OVGP1: variants seen among roughly 807,000 people sequenced by gnomAD.
OVGP1 encodes the protein oviduct-specific glycoprotein.
In OVGP1, 26 loss-of-function variants were observed where a neutral mutation model predicts 48.2. The ratio of observed to expected loss-of-function variants is 0.54; its 90% confidence interval spans 0.40 to 0.75. The LOEUF (loss-of-function observed/expected upper bound fraction) is 0.75, where lower values mean the gene tolerates loss of function less well. Among genes scored for constraint, OVGP1 ranks in the 30% least tolerant of loss-of-function variants. The probability of loss-of-function intolerance (pLI) is 0.00; values close to 1 mark genes in which losing one functional copy is unlikely to be tolerated. For missense variants in OVGP1, 791 were observed against 820.6 expected (o/e 0.96, Z 0.44); for synonymous variants, 294 against 305.7 (o/e 0.96, Z 0.40).
chr1:111,424,673 C>A (rs760521713), intron 4 of OVGP1, among the ~76,000 whole-genome samples: 2 of 152,180 alleles, frequency 1.3e-5, no homozygotes, highest in Non-Finnish European at 2.9e-5. Flanking sequence ...CTGGGCTGGG[C>A]AGAGCTAGTT....
At chr1:111,421,702 A>G (rs1197205349) in intron 6 of OVGP1, 29 bp from the exon 7 acceptor site, 1 of 1,349,262 alleles carries the variant, frequency 7.4e-7, no homozygotes, top group East Asian at 2.3e-5. Flanking sequence ...AGAGATATAA[A>G]GACTGGGCTA....
At position 111,419,706 on chromosome 1, in the gene OVGP1, T is replaced by G; in HGVS notation, c.924A>C (p.Gly308=). The G allele has an allele frequency of 6.2e-7, 1 of 1,612,322 alleles. No homozygotes were observed. The highest frequency in any genetic ancestry group is 8.5e-7 in the Non-Finnish European group (1 of 1,178,804). The change falls in exon 9 of 11, where the codon GGA becomes GGC. Residue 308 remains glycine, a synonymous_variant. Coordinates refer to ENST00000369732, the MANE Select transcript of OVGP1 (RefSeq NM_002557.4). ...GGTAATCAATCCAGTGCTTCTTCGC[T>G]CCCCAGACAAAGGAACAAATCTGCC... is the stretch of plus-strand genomic sequence containing the variant. ...AYFEICSFVW[G]AKKHWIDYQY...
At chr1:111,421,181 G>C in intron 8 of OVGP1, 95 bp downstream of exon 8, 1 of 1,157,312 alleles carries the variant, frequency 8.6e-7, no homozygotes, top group Non-Finnish European at 1.2e-6. Flanking sequence ...CCTGTCTACA[G>C]CTCTCACCCT....
chr1:111,420,280 G>A (rs1652234114), intron 8 of OVGP1, among the ~76,000 whole-genome samples: 1 of 152,192 alleles, frequency 6.6e-6, no homozygotes, highest in Non-Finnish European at 1.5e-5. Flanking sequence ...GTAGAGGTAC[G>A]CAAGCTGTGC....
At chr1:111,426,413 C>G (rs779260206) in intron 3 of OVGP1, 24 bp downstream of exon 3, 3 of 1,613,616 alleles carry the variant, frequency 1.9e-6, no homozygotes, top group Non-Finnish European at 2.5e-6. Context: ...GAAAATACAA[C>G]CCCCACATCC....
intron 9 of OVGP1, among the ~76,000 whole-genome samples, chr1:111,417,051 T>C (rs1048567181): frequency 6.6e-6 from 1 of 152,252 alleles, no homozygotes; most frequent in African/African-American, 2.4e-5. Flanking sequence ...GTAAATCTTA[T>C]GTTTTATGTT....
In OVGP1 at chr1:111,422,940, G is replaced by A. The variant is rs768831505; in HGVS notation, c.595C>T (p.Arg199Cys). 1.1e-5 allele frequency: 18 copies of A among 1,614,078 alleles called. No homozygotes were observed. The East Asian group carries it at 1.8e-4, about 16-fold the overall frequency. Residue 199 changes from arginine to cysteine, a missense_variant, in exon 6 of 11, where the codon CGC (arginine) becomes TGC (cysteine). Transcript: ENST00000369732. ...ATATCCACTCACCTTCCTAGAAAGC[G>A]CACATCATAGGATGTTTGGACGATG... ...PHIVQTSYDVRFLGRLLDFIN... is the reference protein window; with the variant it reads ...PHIVQTSYDVCFLGRLLDFIN...
Position 111,414,773 on chromosome 1 carries a change from G to C in OVGP1, c.1728C>G (p.Val576=). The C allele has an allele frequency of 6.2e-7, 1 of 1,607,780 alleles. No homozygotes were observed. The highest frequency in any genetic ancestry group is 8.5e-7 in the Non-Finnish European group (1 of 1,175,170). ...GGGTGACTGATATGTTTCTGGAGGG[G>C]ACAGTCACCTTTTCACGGGCCACAG... ...RKAVAREKVT[V]PSRNISVTPE... The change falls in exon 11 of 11, where the codon GTC becomes GTG. Residue 576 remains valine (V), a synonymous_variant. Transcript: ENST00000369732.
At chr1:111,420,547 C>T (rs570942437) in intron 8 of OVGP1, among the ~76,000 whole-genome samples, 4 of 152,292 alleles carry the variant, frequency 2.6e-5, no homozygotes, top group African/African-American at 7.2e-5. Flanking sequence ...AAGTCCTTCC[C>T]GTCTAGTCAT....
rs1291743660 is a variant in OVGP1, at chr1:111,422,907, C to T, written c.608+20G>A. On this transcript the variant is annotated intron_variant, in intron 6 of 10. Transcript: ENST00000369732. ...TGCTTCCCACCAATGTCCTGCCCCA[C>T]CAAAGCAATATCCACTCACCTTCCT... 2.5e-6 allele frequency: 4 copies of T among 1,613,604 alleles called. No homozygotes were observed. In the Admixed American group the frequency reaches 5.0e-5, roughly 20 times the overall value.
intron 3 of OVGP1, among the ~76,000 whole-genome samples, chr1:111,425,964 G>T (rs1652387871): frequency 6.6e-6 from 1 of 152,146 alleles, no homozygotes; most frequent in African/African-American, 2.4e-5. Context: ...AGAGGAAAAT[G>T]TAAGCAAACA....
intron 5 of OVGP1, 97 bp from the exon 6 acceptor site, chr1:111,423,148 C>G: frequency 6.7e-7 from 1 of 1,503,168 alleles, no homozygotes; most frequent in Non-Finnish European, 9.1e-7. Context: ...AGCTCCTGAG[C>G]CAGGCTCTGG....
At chr1:111,417,441 C>T (rs1172474353) in intron 9 of OVGP1, among the ~76,000 whole-genome samples, 1 of 152,238 alleles carries the variant, frequency 6.6e-6, no homozygotes, top group African/African-American at 2.4e-5. Flanking sequence ...AAGACAGAAT[C>T]TATCAGGTCC....
chr1:111,427,201 G>A, intron 1 of OVGP1, 110 bp from the exon 2 acceptor site: 1 of 1,568,570 alleles, frequency 6.4e-7, no homozygotes, highest in Non-Finnish European at 8.6e-7. Context: ...ACCACCTTAT[G>A]CAGATGCAGA....
In OVGP1 at chr1:111,423,646, A is replaced by C. The variant is rs1249780254; in HGVS notation, c.380T>G (p.Leu127Arg). 6.2e-7 allele frequency: 1 copy of C among 1,614,178 alleles called. No individual in the cohort carries two copies. Among genetic ancestry groups the C allele is most frequent in the Non-Finnish European group, 8.5e-7 (1 of 1,179,980 alleles). ...ACCATCAAAGTCATGTGTCCTCAGA[A>C]GGGATATAACTGAAGCAATAAACTT... ...REKFIASVIS[L>R]LRTHDFDGLD... The change falls in exon 5 of 11, where the codon CTT becomes CGT. Residue 127 changes from leucine (L) to arginine (R), a missense_variant. Transcript: ENST00000369732.
intron 3 of OVGP1, 122 bp downstream of exon 3, chr1:111,426,315 A>G (rs1652396175): frequency 1.4e-6 from 2 of 1,405,642 alleles, no homozygotes; most frequent in South Asian, 1.3e-5. Context: ...CTGGACCCCT[A>G]TTTGAGAGGA....
At chr1:111,427,136 A>G (rs764845258) in intron 1 of OVGP1, 45 bp from the exon 2 acceptor site, 5 of 1,613,374 alleles carry the variant, frequency 3.1e-6, no homozygotes, top group Non-Finnish European at 4.2e-6. Context: ...TCATACCCTC[A>G]CCAGAGTGGT....
In OVGP1 at chr1:111,414,452, C is replaced by T. The variant is rs1231355209; in HGVS notation, c.*12G>A. The T allele has an allele frequency of 1.9e-6, 3 of 1,592,644 alleles. No individual in the cohort carries two copies. Among genetic ancestry groups the T allele is most frequent in the Non-Finnish European group, 2.6e-6 (3 of 1,168,078 alleles). On this transcript the variant is annotated 3_prime_UTR_variant, in exon 11 of 11. Transcript: ENST00000369732. ...GACAAGGGTTTTCCCTGGTTTCTGACACCAGAGGGGCTTAGGCTTCTTCAT... is the reference window on the plus strand; with the variant it reads ...GACAAGGGTTTTCCCTGGTTTCTGATACCAGAGGGGCTTAGGCTTCTTCAT...
chr1:111,416,329 G>A lies in OVGP1; in HGVS notation c.1150C>T (p.Arg384Trp), dbSNP rs895639584. Residue 384 changes from arginine to tryptophan, a missense_variant, in exon 10 of 11, where the codon CGG (arginine) becomes TGG (tryptophan). Arg to Trp is a moderately radical substitution (Grantham distance 101, BLOSUM62 -3). Transcript: ENST00000369732. The part of the protein sequence containing the change: ...LVYVLNDILV[R>W]AEFSSTSLPQ... ...CTAGGTCACAGCTACTTACCAGCCC[G>A]CACCAGGATATCATTCAATACGTAG... 19 of 1,581,784 alleles carry A rather than the reference G, an allele frequency of 1.2e-5. No homozygotes were observed. Among genetic ancestry groups the A allele is most frequent in the Non-Finnish European group, 1.4e-5 (16 of 1,161,334 alleles).
Sources: gnomAD v4.1 joint callset for allele counts (sites outside exome capture counted in the v4.1 genomes callset) on GRCh38, gnomAD v4.1.1 for gene constraint, MANE v1.5 for transcripts, NCBI Gene and HGNC (gene_info 2026-07-23, HGNC 2026-07-21) for gene names.